WDR27: variants seen among roughly 807,000 people sequenced by gnomAD.
WDR27 encodes WD repeat-containing protein 27.
In WDR27, 100 loss-of-function variants were observed where a neutral mutation model predicts 114.4. The ratio of observed to expected loss-of-function variants is 0.87; its 90% CI spans 0.74 to 1.03. The LOEUF is 1.03. WDR27 is among the 50% of genes least tolerant of loss of function. The probability of loss-of-function intolerance (pLI) is 0.00; values close to 1 mark genes in which losing one functional copy is unlikely to be tolerated. For missense variants in WDR27, 1,129 were observed against 1,092.9 expected (o/e 1.03, Z -0.47); for synonymous variants, 449 against 423.1 (o/e 1.06, Z -0.75).
At chr6:169,447,563 ACT>A in the WDR27 span, among the ~76,000 whole-genome samples, 1 of 151,904 alleles carries the variant, frequency 6.6e-6, no homozygotes, top group Non-Finnish European at 1.5e-5. Flanking sequence ...ACATAAGGAG[ACT>A]CTGTGATTAC....
intron 17 of WDR27, among the ~76,000 whole-genome samples, chr6:169,639,293 A>G (rs777863446): frequency 7.2e-5 from 11 of 152,172 alleles, no homozygotes; most frequent in Non-Finnish European, 1.5e-4. Flanking sequence ...TCGGCCCGGC[A>G]GTGTAAAACC....
intron 2 of WDR27, among the ~76,000 whole-genome samples, chr6:169,685,394 A>G (rs973286103): frequency 9.2e-5 from 14 of 152,214 alleles, no homozygotes; most frequent in Non-Finnish European, 2.1e-4. Context: ...ATTCAAAATA[A>G]TAATTTTAAG....
At chr6:169,482,429 G>A (rs77291873) in intron 25 of WDR27, among the ~76,000 whole-genome samples, 1,984 of 152,174 alleles carry the variant, frequency 0.013, 41 homozygotes, top group African/African-American at 0.041. Context: ...AACAACATCT[G>A]TATTTTTTGA....
At chr6:169,622,994 G>T (rs757717877) in intron 21 of WDR27, among the ~76,000 whole-genome samples, 4 of 152,182 alleles carry the variant, frequency 2.6e-5, no homozygotes, top group African/African-American at 9.7e-5. Context: ...TTAGCTCAAA[G>T]ATTAGAAATT....
At position 169,544,105 on chromosome 6, in the gene WDR27, T is replaced by C. The variant is rs1797151599; in HGVS notation, c.2645+28314A>G. The stretch of plus-strand genomic sequence containing the variant: ...CAGGAAGAGAGGAACATTGCCTTGA[T>C]AAACAGCATCAAGAAAACACAACTA... On this transcript the variant is annotated intron_variant, in intron 25 of 25. Transcript: ENST00000448612. Among the ~76,000 whole-genome samples the C allele has an allele frequency of 3.3e-5, 5 of 152,310 alleles. No homozygotes were observed. In the South Asian group the frequency reaches 1.0e-3, roughly 32 times the overall value.
At chr6:169,655,564 A>G (rs1164807874) in intron 13 of WDR27, among the ~76,000 whole-genome samples, 1 of 152,242 alleles carries the variant, frequency 6.6e-6, no homozygotes, top group Non-Finnish European at 1.5e-5. Flanking sequence ...CTTAAGAAAG[A>G]ATATTACTCT....
intron 20 of WDR27, among the ~76,000 whole-genome samples, chr6:169,633,698 T>C (rs1816995877): frequency 6.6e-6 from 1 of 152,248 alleles, no homozygotes; most frequent in Non-Finnish European, 1.5e-5. Flanking sequence ...AGACCCGTAA[T>C]GCTGGTGTTA....
rs1007672138 is a variant in WDR27, at chr6:169,613,640, G to C, written c.2240C>G (p.Thr747Ser). ...AAGGTTATAAGCCTGAGGCTGTTGG[G>C]TTGTAAATGATGAACCCTATAATTT... The part of the protein sequence containing the change: ...ICQNKGSSFT[T>S]QQPQAYNLFL... Residue 747 changes from threonine (T) to serine (S), a missense_variant, in exon 22 of 26, where the codon ACC becomes AGC. Physicochemically the swap from Thr to Ser is moderately conservative, Grantham distance 58. Coordinates refer to ENST00000448612, the MANE Select transcript of WDR27 (RefSeq NM_182552.5). 6.2e-7 allele frequency: 1 copy of C among 1,613,450 alleles called. No homozygotes were observed. Among genetic ancestry groups the C allele is most frequent in the African/African-American group, 1.3e-5 (1 of 75,038 alleles).
In WDR27 at chr6:169,504,577, G is replaced by T. The variant is rs540527239; in HGVS notation, c.2646-46943C>A. 7.9e-5 allele frequency among the ~76,000 whole-genome samples: 12 copies of T among 152,262 alleles called. No individual in the cohort carries two copies. In the South Asian group the frequency reaches 2.5e-3, roughly 32 times the overall value. On this transcript the variant is annotated intron_variant, in intron 25 of 25. Transcript: ENST00000448612. ...CCCAGTCTCAGGTATGTCTTTATTA[G>T]CAGCATGAGAACAGACTAATATACT... is the stretch of plus-strand genomic sequence containing the variant.
chr6:169,467,525 G>A (rs1295661632), intron 25 of WDR27, among the ~76,000 whole-genome samples: 1 of 152,262 alleles, frequency 6.6e-6, no homozygotes, highest in Non-Finnish European at 1.5e-5. Context: ...AACACCATGT[G>A]TAAGCTGCCA....
At chr6:169,554,217 C>T (rs945900799) in intron 25 of WDR27, among the ~76,000 whole-genome samples, 2 of 152,178 alleles carry the variant, frequency 1.3e-5, no homozygotes, top group Non-Finnish European at 1.5e-5. Context: ...AGTTCATGCC[C>T]AGCCCATGCT....
intron 25 of WDR27, among the ~76,000 whole-genome samples, chr6:169,465,906 T>C (rs183237476): frequency 6.6e-6 from 1 of 152,224 alleles, no homozygotes; most frequent in Admixed American, 6.5e-5. Flanking sequence ...GGCATGAAGT[T>C]TCAGGCTTAC....
intron 25 of WDR27, among the ~76,000 whole-genome samples, chr6:169,567,880 T>C (rs1402755214): frequency 6.6e-6 from 1 of 152,134 alleles, no homozygotes; most frequent in Non-Finnish European, 1.5e-5. Context: ...AGAGCGGCGG[T>C]CCACTGTGTT....
intron 25 of WDR27, among the ~76,000 whole-genome samples, chr6:169,552,278 G>GT (rs908364584): frequency 1.8e-4 from 28 of 152,010 alleles, no homozygotes; most frequent in Non-Finnish European, 2.4e-4. Flanking sequence ...CATAGAACCC[G>GT]TGGCCTTTTA....
chr6:169,616,802 A>C (rs527964447), intron 21 of WDR27, among the ~76,000 whole-genome samples: 1 of 152,332 alleles, frequency 6.6e-6, no homozygotes, highest in African/African-American at 2.4e-5. Flanking sequence ...TGCTCTGAAC[A>C]CAATGCCATA....
chr6:169,471,886 T>C lies in WDR27; in HGVS notation c.2646-14252A>G, dbSNP rs565508906. On this transcript the variant is annotated intron_variant, in intron 25 of 25. Coordinates refer to ENST00000448612, the MANE Select transcript of WDR27 (RefSeq NM_182552.5). ...TTGGTGTCTGGTGAGGGCTGCTCGCTGCTTCCAAGATGGTGCATCTTGCTG... is the reference window on the plus strand; with the variant it reads ...TTGGTGTCTGGTGAGGGCTGCTCGCCGCTTCCAAGATGGTGCATCTTGCTG... Among the ~76,000 whole-genome samples the C allele has an allele frequency of 9.3e-3, 1,424 of 152,324 alleles. 22 individuals are homozygous for C. Among genetic ancestry groups the C allele is most frequent in the African/African-American group, 0.032 (1,327 of 41,564 alleles).
At chr6:169,657,550 G>A (rs1361463802) in intron 13 of WDR27, among the ~76,000 whole-genome samples, 1 of 152,172 alleles carries the variant, frequency 6.6e-6, no homozygotes. Flanking sequence ...AAATGCCTCC[G>A]TTTTTCAAAT....
At chr6:169,655,943 C>CA (rs1162372917) in intron 13 of WDR27, among the ~76,000 whole-genome samples, 1 of 152,162 alleles carries the variant, frequency 6.6e-6, no homozygotes, top group Non-Finnish European at 1.5e-5. Flanking sequence ...ATGATGGTCT[C>CA]AATCTCCTGA....
At chr6:169,643,341 C>T in intron 17 of WDR27, among the ~76,000 whole-genome samples, 1 of 152,190 alleles carries the variant, frequency 6.6e-6, no homozygotes, top group Non-Finnish European at 1.5e-5. Context: ...TGTCTATGTA[C>T]AAACCCCACT....
Sources: gnomAD v4.1 joint callset for allele counts (sites outside exome capture counted in the v4.1 genomes callset) on GRCh38, gnomAD v4.1.1 for gene constraint, MANE v1.5 for transcripts, NCBI Gene and HGNC (gene_info 2026-07-23, HGNC 2026-07-21) for gene names.